FAM117B: variants seen among roughly 807,000 people sequenced by gnomAD.
FAM117B encodes family with sequence similarity 117 member B.
Under a neutral mutation model 52.8 loss-of-function variants are expected in FAM117B, and 22 were observed. The ratio of observed to expected loss-of-function variants is 0.42; its 90% CI spans 0.30 to 0.59. The LOEUF is 0.59. FAM117B is among the 20% of genes least tolerant of loss of function. The pLI is 0.22. For synonymous variants in FAM117B, 309 were observed against 324.1 expected (o/e 0.95, Z 0.50); for missense variants, 678 against 802.6 (o/e 0.84, Z 1.88).
At chr2:202,679,080 A>G (rs1690424884) in intron 1 of FAM117B, among the ~76,000 whole-genome samples, 2 of 152,240 alleles carry the variant, frequency 1.3e-5, no homozygotes, top group South Asian at 2.1e-4. Flanking sequence ...GGACATGAAG[A>G]GACTTCTATT....
intron 2 of FAM117B, among the ~76,000 whole-genome samples, chr2:202,699,987 G>T (rs1250758175): frequency 6.6e-6 from 1 of 152,126 alleles, no homozygotes; most frequent in Non-Finnish European, 1.5e-5. Context: ...TTGTTTTGAG[G>T]TGCCATGAAC....
Position 202,635,791 on chromosome 2 carries a change from A to G in FAM117B, c.601+3A>G, listed in dbSNP as rs1174975760. 6 of 1,448,224 alleles carry G rather than the reference A, an allele frequency of 4.1e-6. No homozygotes were observed. The highest frequency in any genetic ancestry group is 1.5e-5 in the African/African-American group (1 of 67,812). The allele number at this position is 1,448,224 out of a possible 1,614,324, so 89.7% of individuals were successfully genotyped here. A position where few individuals can be genotyped will look rare whatever the true frequency, so the allele number is the denominator to read the frequency against. ...CAGCGCCCCGGTTTGCAAAGCAGGT[A>G]AGTGCTGGGGGTCGCGCAGCAAGGG... On this transcript the variant is annotated splice_donor_region_variant and intron_variant, in intron 1 of 7. Transcript: ENST00000392238.
intron 4 of FAM117B, among the ~76,000 whole-genome samples, chr2:202,754,473 C>G (rs1691770181): frequency 6.6e-6 from 1 of 151,966 alleles, no homozygotes; most frequent in African/African-American, 2.4e-5. Context: ...ATGTTCTGCA[C>G]ATGTATCTTA....
chr2:202,723,871 C>T (rs1260919821), intron 2 of FAM117B, among the ~76,000 whole-genome samples: 2 of 152,042 alleles, frequency 1.3e-5, no homozygotes, highest in East Asian at 3.9e-4. Flanking sequence ...CTGTATGCTC[C>T]CACTAACAAT....
chr2:202,723,673 C>A (rs1240837259), intron 2 of FAM117B, among the ~76,000 whole-genome samples: 2 of 152,146 alleles, frequency 1.3e-5, no homozygotes, highest in East Asian at 1.9e-4. Flanking sequence ...CTAAATAAAT[C>A]TAACTTACTT....
chr2:202,731,071 AT>A (rs1326777736), intron 4 of FAM117B, among the ~76,000 whole-genome samples: 1 of 152,092 alleles, frequency 6.6e-6, no homozygotes, highest in Non-Finnish European at 1.5e-5. Flanking sequence ...CTGATAAGGC[AT>A]TTGTGTCTAA....
Position 202,763,729 on chromosome 2 carries a change from T to A in FAM117B, c.1452-1717T>A, listed in dbSNP as rs149869135. On this transcript the variant is annotated intron_variant, in intron 7 of 7. Transcript: ENST00000392238. ...CCCAAGTTGAACATAACCTACATGATGTATTTTTCTTTGTTCTTAATTGTT... is the reference window on the plus strand; with the variant it reads ...CCCAAGTTGAACATAACCTACATGAAGTATTTTTCTTTGTTCTTAATTGTT... Among the ~76,000 whole-genome samples, 28 of 152,310 alleles carry A rather than the reference T, an allele frequency of 1.8e-4. 1 individual carries two copies. Among genetic ancestry groups the A allele is most frequent in the African/African-American group, 6.7e-4 (28 of 41,560 alleles).
chr2:202,700,754 A>G (rs1358139746), intron 2 of FAM117B, among the ~76,000 whole-genome samples: 1 of 150,228 alleles, frequency 6.7e-6, no homozygotes, highest in African/African-American at 2.5e-5. Context: ...TAATGCAGTC[A>G]TAGCTCGGTA....
intron 1 of FAM117B, among the ~76,000 whole-genome samples, chr2:202,666,668 C>CTTTTTTT (rs1157457357): frequency 1.5e-4 from 19 of 125,766 alleles, no homozygotes; most frequent in African/African-American, 5.2e-4. Flanking sequence ...CGTTTCATTT[C>CTTTTTTT]TTTTTTTTTT....
At chr2:202,669,112 A>G (rs964452181) in intron 1 of FAM117B, among the ~76,000 whole-genome samples, 2 of 152,216 alleles carry the variant, frequency 1.3e-5, no homozygotes. Flanking sequence ...TTGATAAATC[A>G]ATAGACAGAG....
chr2:202,763,461 AT>A (rs1691930056), intron 7 of FAM117B, among the ~76,000 whole-genome samples: 1 of 152,064 alleles, frequency 6.6e-6, no homozygotes, highest in Admixed American at 6.5e-5. Flanking sequence ...TAGCCTTTTC[AT>A]TTTCTACAAG....
rs139807979 is a variant in FAM117B at position 202,680,769 on chromosome 2, A to G, written c.602-15112A>G. Among the ~76,000 whole-genome samples, 53 of 152,320 alleles carry G rather than the reference A, an allele frequency of 3.5e-4. 1 individual carries two copies. The highest frequency in any genetic ancestry group is 9.8e-4 in the Admixed American group (15 of 15,292). ...TTTATACCCAGCAAAAAATCCTTCA[A>G]TATAAAGGCTTTTTATACATACAAA... is the stretch of plus-strand genomic sequence containing the variant. On this transcript the variant is annotated intron_variant, in intron 1 of 7. Coordinates refer to ENST00000392238, the MANE Select transcript of FAM117B (RefSeq NM_173511.4).
intron 2 of FAM117B, among the ~76,000 whole-genome samples, chr2:202,705,162 C>T (rs955556048): frequency 6.6e-6 from 1 of 151,772 alleles, no homozygotes; most frequent in African/African-American, 2.4e-5. Flanking sequence ...CAAAATTAGC[C>T]GAGTGTGGTG....
chr2:202,646,354 A>G (rs756525189), intron 1 of FAM117B, among the ~76,000 whole-genome samples: 2 of 152,178 alleles, frequency 1.3e-5, no homozygotes, highest in African/African-American at 4.8e-5. Context: ...TGCTGATTAA[A>G]TGTTTTCTGT....
At chr2:202,731,866 G>A (rs1000435036) in intron 4 of FAM117B, among the ~76,000 whole-genome samples, 2 of 152,096 alleles carry the variant, frequency 1.3e-5, no homozygotes, top group Non-Finnish European at 2.9e-5. Flanking sequence ...CTCCTGAATA[G>A]CTGGGATTAC....
chr2:202,708,569 T>C (rs1195484979), intron 2 of FAM117B, among the ~76,000 whole-genome samples: 2 of 152,210 alleles, frequency 1.3e-5, no homozygotes, highest in Non-Finnish European at 2.9e-5. Context: ...TTCAGTTCTT[T>C]TGGAATTGCT....
chr2:202,757,366 A>G lies in FAM117B; in HGVS notation c.1258A>G (p.Thr420Ala). The G allele has an allele frequency of 6.2e-7, 1 of 1,613,964 alleles. No individual in the cohort carries two copies. Among genetic ancestry groups the G allele is most frequent in the Non-Finnish European group, 8.5e-7 (1 of 1,180,000 alleles). Residue 420 changes from threonine (T) to alanine (A), a missense_variant, in exon 6 of 8, where the codon ACC becomes GCC. Coordinates refer to ENST00000392238, the MANE Select transcript of FAM117B (RefSeq NM_173511.4). ...GTCCGTGTCCCCAACATCGTTCCTC[A>G]CCATTTCCAATGAAGGTAGCGAGGA... ...SQSVSPTSFL[T>A]ISNEGSEESP...
In FAM117B at chr2:202,635,591, G is replaced by A; in HGVS notation, c.404G>A (p.Gly135Glu). ...PTRSAAPGAR[G>E]SPPRPPPPPP... The stretch of plus-strand genomic sequence containing the variant: ...CGCAGCGCCGCGCCTGGAGCTCGCG[G>A]GAGCCCCCCACGGCCGCCGCCGCCG... Residue 135 changes from glycine to glutamate, a missense_variant, in exon 1 of 8, where the codon GGG (glycine) becomes GAG (glutamate). Around this residue, in one of 3 missense-constraint regions of FAM117B, gnomAD observed 583 missense variants for 644.8 expected, o/e 0.90. Transcript: ENST00000392238. 2 of 1,260,182 alleles carry A rather than the reference G, an allele frequency of 1.6e-6. No individual in the cohort carries two copies. Among genetic ancestry groups the A allele is most frequent in the South Asian group, 2.9e-5 (1 of 34,814 alleles). 78.1% of individuals were successfully genotyped at this position (1,260,182 alleles called of 1,614,324 possible).
At position 202,635,444 on chromosome 2, in the gene FAM117B, G is replaced by C; in HGVS notation, c.257G>C (p.Arg86Pro). The C allele has an allele frequency of 8.4e-7, 1 of 1,191,404 alleles. No individual in the cohort carries two copies. Among genetic ancestry groups the C allele is most frequent in the Non-Finnish European group, 1.0e-6 (1 of 965,450 alleles). The allele number at this position is 1,191,404 out of a possible 1,614,324, so 73.8% of individuals were successfully genotyped here. The change falls in exon 1 of 8, where the codon CGC becomes CCC. Residue 86 changes from arginine (R) to proline (P), a missense_variant. Physicochemically the swap from Arg to Pro is moderately radical, Grantham distance 103 (BLOSUM62 -2). Transcript: ENST00000392238. ...PAGGGGGGGP[R>P]TASRSTSPTR... ...GGCGGCGGCGGCGGCGGTGGCCCGC[G>C]CACCGCCTCGCGCAGCACCAGCCCC...
Sources: allele counts gnomAD v4.1 joint callset (sites outside exome capture counted in the v4.1 genomes callset), GRCh38; gene constraint gnomAD v4.1.1; regional missense constraint gnomAD v4.1.1; transcripts MANE v1.5; gene names NCBI Gene and HGNC (gene_info 2026-07-23, HGNC 2026-07-21).